Variants in MSRB3 observed in about 807,000 individuals in gnomAD.
MSRB3 encodes the protein methionine sulfoxide reductase B3, also known as methionine-R-sulfoxide reductase B3.
Under a neutral mutation model 21.0 loss-of-function variants are expected in MSRB3, and 13 were observed. The ratio of observed to expected loss-of-function variants is 0.62; its 90% CI spans 0.40 to 0.98. The LOEUF (loss-of-function observed/expected upper bound fraction) is 0.98. Among genes scored for constraint, MSRB3 ranks in the 50% least tolerant of loss-of-function variants. The probability of loss-of-function intolerance (pLI) is 0.00; values close to 1 mark genes in which losing one functional copy is unlikely to be tolerated. For missense variants in MSRB3, 199 were observed against 230.3 expected (o/e 0.86, Z 0.88); for synonymous variants, 87 against 88.6 (o/e 0.98, Z 0.10).
chr12:65,309,878 TAGA>T (rs1351073617), intron 2 of MSRB3, among the ~76,000 whole-genome samples: 2 of 151,950 alleles, frequency 1.3e-5, no homozygotes, highest in African/African-American at 2.4e-5. Context: ...CAAGGGCAAA[TAGA>T]AGAGGTAAGG....
chr12:65,429,205 C>A (rs1881761095), intron 5 of MSRB3, among the ~76,000 whole-genome samples: 1 of 152,070 alleles, frequency 6.6e-6, no homozygotes, highest in Admixed American at 6.5e-5. Flanking sequence ...TAGAAAGGAT[C>A]TATTTAACCC....
intron 4 of MSRB3, among the ~76,000 whole-genome samples, chr12:65,361,665 T>C (rs1284082149): frequency 1.3e-5 from 2 of 152,186 alleles, no homozygotes; most frequent in East Asian, 1.9e-4. Flanking sequence ...CTTCTTGATA[T>C]TGGCAAATCT....
At chr12:65,343,738 C>A (rs1464013742) in intron 4 of MSRB3, among the ~76,000 whole-genome samples, 7 of 151,902 alleles carry the variant, frequency 4.6e-5, no homozygotes, top group Admixed American at 6.6e-5. Context: ...TCTGTCTGGC[C>A]CCTAAGGCAC....
intron 5 of MSRB3, among the ~76,000 whole-genome samples, chr12:65,369,681 C>G (rs1878213250): frequency 6.6e-6 from 1 of 152,054 alleles, no homozygotes; most frequent in Non-Finnish European, 1.5e-5. Flanking sequence ...TTATGTGCTT[C>G]AAAGTTTCTG....
At chr12:65,279,055 G>A (rs1565811207) in intron 1 of MSRB3, 190 bp downstream of exon 1, 2 of 1,422,948 alleles carry the variant, frequency 1.4e-6, no homozygotes, top group South Asian at 3.0e-5. Context: ...CAGCGGTGAG[G>A]GGCCGAACGG....
intron 4 of MSRB3, among the ~76,000 whole-genome samples, chr12:65,334,794 C>T (rs1041359136): frequency 7.2e-5 from 11 of 152,136 alleles, no homozygotes; most frequent in African/African-American, 2.7e-4. Context: ...GGAGCTAGGG[C>T]AGCAGCTGGA....
intron 4 of MSRB3, among the ~76,000 whole-genome samples, chr12:65,356,434 A>C (rs1054707899): frequency 6.6e-6 from 1 of 151,860 alleles, no homozygotes; most frequent in South Asian, 2.1e-4. Flanking sequence ...TTTCAATGTG[A>C]AAGTTTATAC....
chr12:65,356,950 T>A (rs1290017317), intron 4 of MSRB3, among the ~76,000 whole-genome samples: 2 of 151,876 alleles, frequency 1.3e-5, no homozygotes, highest in African/African-American at 2.4e-5. Context: ...ATGATTTTTT[T>A]AAAAACAAGA....
At chr12:65,291,770 T>A (rs1872679587) in intron 1 of MSRB3, among the ~76,000 whole-genome samples, 1 of 152,050 alleles carries the variant, frequency 6.6e-6, no homozygotes, top group African/African-American at 2.4e-5. Flanking sequence ...GAGAGCATGG[T>A]TAGAGTTTAG....
chr12:65,279,046 A>C, intron 1 of MSRB3, 181 bp downstream of exon 1: 1 of 1,427,176 alleles, frequency 7.0e-7, no homozygotes, highest in Non-Finnish European at 9.1e-7. Flanking sequence ...GCCCCGCGCC[A>C]GCGGTGAGGG....
intron 1 of MSRB3, among the ~76,000 whole-genome samples, chr12:65,288,294 C>T (rs1872501402): frequency 6.7e-6 from 1 of 149,774 alleles, no homozygotes; most frequent in African/African-American, 2.5e-5. Context: ...AGAGCGAGAC[C>T]CCGTCCCCCC....
intron 4 of MSRB3, among the ~76,000 whole-genome samples, chr12:65,348,717 G>A (rs997746538): frequency 1.3e-5 from 2 of 151,928 alleles, no homozygotes; most frequent in African/African-American, 4.8e-5. Flanking sequence ...TTCTCTTGTG[G>A]GCATTTAGTG....
At chr12:65,329,350 T>C (rs893582286) in intron 4 of MSRB3, among the ~76,000 whole-genome samples, 2 of 152,140 alleles carry the variant, frequency 1.3e-5, no homozygotes, top group South Asian at 2.1e-4. Flanking sequence ...GAAACCTTAA[T>C]TGGGAGTAAA....
chr12:65,409,018 G>A (rs1046105187), intron 5 of MSRB3, among the ~76,000 whole-genome samples: 1 of 152,098 alleles, frequency 6.6e-6, no homozygotes, highest in East Asian at 1.9e-4. Flanking sequence ...ACATATGAAA[G>A]TGTGTCCCTT....
At chr12:65,445,406 C>T (rs1471091342) in intron 5 of MSRB3, among the ~76,000 whole-genome samples, 1 of 149,580 alleles carries the variant, frequency 6.7e-6, no homozygotes, top group Non-Finnish European at 1.5e-5. Context: ...AGGTGGCCCC[C>T]AATCATCATT....
At chr12:65,383,396 T>C (rs1212933363) in intron 5 of MSRB3, among the ~76,000 whole-genome samples, 1 of 152,206 alleles carries the variant, frequency 6.6e-6, no homozygotes, top group Non-Finnish European at 1.5e-5. Context: ...TTCTGAAGCC[T>C]GTTTATTTTG....
chr12:65,398,129 T>C (rs1879916020), intron 5 of MSRB3, among the ~76,000 whole-genome samples: 1 of 152,220 alleles, frequency 6.6e-6, no homozygotes, highest in African/African-American at 2.4e-5. Context: ...TACCCAGTAA[T>C]GGGATTGCTG....
intron 5 of MSRB3, among the ~76,000 whole-genome samples, chr12:65,453,461 G>T (rs1366575390): frequency 6.6e-6 from 1 of 152,150 alleles, no homozygotes; most frequent in Non-Finnish European, 1.5e-5. Flanking sequence ...GGATACTCTA[G>T]AAAACTATTG....
At chr12:65,349,951 T>C (rs1050007878) in intron 4 of MSRB3, among the ~76,000 whole-genome samples, 3 of 152,226 alleles carry the variant, frequency 2.0e-5, no homozygotes, top group African/African-American at 7.2e-5. Context: ...TTGTTGCCAT[T>C]GCTTTTGGTG....
Sources: allele counts gnomAD v4.1 joint callset (sites outside exome capture counted in the v4.1 genomes callset), GRCh38; gene constraint gnomAD v4.1.1; transcripts MANE v1.5; gene names NCBI Gene and HGNC (gene_info 2026-07-23, HGNC 2026-07-21).